Variants in SOBP observed in about 807,000 individuals in gnomAD.
SOBP encodes sine oculis binding protein homolog, also known as sine oculis-binding protein homolog.
SOBP carries 4 observed loss-of-function variants against 53.6 expected under a neutral mutation model. The observed-to-expected ratio is 0.07, with a 90% CI of 0.04 to 0.17. The LOEUF is 0.17. Ranked by LOEUF, SOBP falls within the 10% of genes least tolerant of loss-of-function variation. The pLI is 1.00. For missense variants in SOBP, 1,088 were observed against 1,204.7 expected (o/e 0.90, Z 1.43); for synonymous variants, 584 against 522.6 (o/e 1.12, Z -1.60).
chr6:107,647,760 C>T (rs903485648), intron 6 of SOBP, among the ~76,000 whole-genome samples: 6 of 151,236 alleles, frequency 4.0e-5, no homozygotes, highest in African/African-American at 1.5e-4. Flanking sequence ...GGGATCTGAC[C>T]GCAGCTGCTT....
Position 107,659,172 on chromosome 6 carries a change from C to T in SOBP, c.*969C>T, listed in dbSNP as rs1263288588. On this transcript the variant is annotated 3_prime_UTR_variant, in exon 7 of 7. Transcript: ENST00000317357. The stretch of plus-strand genomic sequence containing the variant: ...TCGGTGATCCAGGAAGTCAGTGAGA[C>T]AATCTCTCTATATGCAGAGCCCTTT... The T allele has an allele frequency of 6.6e-6, 1 of 152,626 alleles. No homozygotes were observed. Among genetic ancestry groups the T allele is most frequent in the Non-Finnish European group, 1.5e-5 (1 of 68,048 alleles). The allele number at this position is 152,626 out of a possible 1,614,324, so 9.5% of individuals were successfully genotyped here. A position where few individuals can be genotyped will look rare whatever the true frequency, so the allele number is the denominator to read the frequency against.
At chr6:107,534,034 G>C (rs753379082) in intron 4 of SOBP, among the ~76,000 whole-genome samples, 1 of 152,190 alleles carries the variant, frequency 6.6e-6, no homozygotes, top group Non-Finnish European at 1.5e-5. Flanking sequence ...TGGAAATACT[G>C]CTATTGCTCT....
intron 6 of SOBP, among the ~76,000 whole-genome samples, chr6:107,651,870 G>A (rs1771815658): frequency 6.6e-6 from 1 of 152,172 alleles, no homozygotes; most frequent in African/African-American, 2.4e-5. Flanking sequence ...AGCTCTGTCA[G>A]TGGAACAACG....
At chr6:107,624,031 T>G (rs944680901) in intron 5 of SOBP, among the ~76,000 whole-genome samples, 1 of 152,192 alleles carries the variant, frequency 6.6e-6, no homozygotes, top group African/African-American at 2.4e-5. Context: ...AGGCTCAAGC[T>G]TGGAATATAA....
chr6:107,646,313 G>T (rs1380307296), intron 6 of SOBP, among the ~76,000 whole-genome samples: 1 of 152,244 alleles, frequency 6.6e-6, no homozygotes. Flanking sequence ...ATGCACGGTG[G>T]AAGGAAATCT....
At position 107,634,349 on chromosome 6, in the gene SOBP, C is replaced by G. The variant is rs973364780; in HGVS notation, c.1505C>G (p.Pro502Arg). 1.3e-6 allele frequency: 2 copies of G among 1,590,578 alleles called. No homozygotes were observed. Among genetic ancestry groups the G allele is most frequent in the Non-Finnish European group, 1.7e-6 (2 of 1,175,346 alleles). Residue 502 changes from proline (P) to arginine (R), a missense_variant, in exon 6 of 7, where the codon CCG becomes CGG. By Grantham distance (103) the Pro-to-Arg change is moderately radical. Coordinates refer to ENST00000317357, the MANE Select transcript of SOBP (RefSeq NM_018013.4). The surrounding 1 kb of genome is among the most constrained non-coding windows in gnomAD (Gnocchi z 4.5). Reference protein sequence around the residue: ...PVSMMPNGPMPVPQMMNFGLP... With the variant: ...PVSMMPNGPMRVPQMMNFGLP... ...AGCATGATGCCAAATGGCCCGATGC[C>G]GGTGCCCCAGATGATGAATTTCGGG...
chr6:107,611,549 CT>C (rs1251123285), intron 5 of SOBP, among the ~76,000 whole-genome samples: 1 of 152,194 alleles, frequency 6.6e-6, no homozygotes, highest in Admixed American at 6.5e-5. Flanking sequence ...TGAGTAGAAG[CT>C]ATCACTTTCC....
At chr6:107,649,157 C>G (rs1220578267) in intron 6 of SOBP, among the ~76,000 whole-genome samples, 1 of 124,166 alleles carries the variant, frequency 8.1e-6, no homozygotes, top group Non-Finnish European at 1.7e-5. Flanking sequence ...GCCCCGCCCC[C>G]ACTACCAAAA....
chr6:107,657,171 G>A (rs1331585321), intron 6 of SOBP, among the ~76,000 whole-genome samples: 4 of 152,228 alleles, frequency 2.6e-5, no homozygotes, highest in Non-Finnish European at 5.9e-5. Flanking sequence ...CTAAGTGGCT[G>A]CTCCCAGAAC....
At chr6:107,651,060 G>A (rs1160051239) in intron 6 of SOBP, among the ~76,000 whole-genome samples, 3 of 152,144 alleles carry the variant, frequency 2.0e-5, no homozygotes, top group Non-Finnish European at 4.4e-5. Context: ...GAGCCCAGGA[G>A]TTCAAGATTA....
In SOBP at chr6:107,583,428, T is replaced by C. The variant is rs111351681; in HGVS notation, c.574-3652T>C. 1.2e-4 allele frequency among the ~76,000 whole-genome samples: 18 copies of C among 152,328 alleles called. 1 individual carries two copies. Among genetic ancestry groups the C allele is most frequent in the African/African-American group, 3.8e-4 (16 of 41,580 alleles). Reference sequence around the variant, plus strand: ...AGGCCTTTTTAAGGAAGTGGTATGGTAGTTCTTCCAAGATTATTGGTCATA... The same window carrying C: ...AGGCCTTTTTAAGGAAGTGGTATGGCAGTTCTTCCAAGATTATTGGTCATA... On this transcript the variant is annotated intron_variant, in intron 4 of 6. Coordinates refer to ENST00000317357, the MANE Select transcript of SOBP (RefSeq NM_018013.4).
intron 3 of SOBP, among the ~76,000 whole-genome samples, chr6:107,530,416 AG>A (rs1188602596): frequency 6.6e-6 from 1 of 152,092 alleles, no homozygotes; most frequent in Non-Finnish European, 1.5e-5. Context: ...TCACTTTTCT[AG>A]GGGTGCAGTC....
intron 4 of SOBP, among the ~76,000 whole-genome samples, chr6:107,576,507 T>C (rs1785228968): frequency 6.6e-6 from 1 of 152,172 alleles, no homozygotes; most frequent in South Asian, 2.1e-4. Flanking sequence ...CTGTCCAGAA[T>C]AAAGACCTGA....
chr6:107,549,237 A>G (rs1784394317), intron 4 of SOBP, among the ~76,000 whole-genome samples: 1 of 152,122 alleles, frequency 6.6e-6, no homozygotes, highest in Admixed American at 6.6e-5. Flanking sequence ...ACAGCACTCC[A>G]ATCTGGGCAA....
chr6:107,528,393 T>C (rs1430301561), intron 3 of SOBP, among the ~76,000 whole-genome samples: 1 of 152,212 alleles, frequency 6.6e-6, no homozygotes, highest in East Asian at 1.9e-4. Flanking sequence ...CTGTGAGCCC[T>C]GCTCCTTAGA....
At chr6:107,558,939 G>A (rs1032571625) in intron 4 of SOBP, among the ~76,000 whole-genome samples, 1 of 151,586 alleles carries the variant, frequency 6.6e-6, no homozygotes, top group African/African-American at 2.4e-5. Flanking sequence ...ATTTTTTGTA[G>A]ATGTTAATTT....
chr6:107,609,119 C>T (rs886711582), intron 5 of SOBP, among the ~76,000 whole-genome samples: 11 of 152,200 alleles, frequency 7.2e-5, no homozygotes, highest in African/African-American at 2.7e-4. Context: ...TTTGATCACA[C>T]ACCTCATCAG....
chr6:107,568,275 TG>T (rs1784973948), intron 4 of SOBP, among the ~76,000 whole-genome samples: 1 of 152,122 alleles, frequency 6.6e-6, no homozygotes, highest in East Asian at 1.9e-4. Flanking sequence ...TGCTCAACAG[TG>T]GGAAACACGG....
intron 4 of SOBP, among the ~76,000 whole-genome samples, chr6:107,583,438 A>C (rs1465102637): frequency 6.6e-6 from 1 of 152,240 alleles, no homozygotes; most frequent in Non-Finnish European, 1.5e-5. Context: ...TAGTTCTTCC[A>C]AGATTATTGG....
Sources: allele counts gnomAD v4.1 joint callset (sites outside exome capture counted in the v4.1 genomes callset), GRCh38; gene constraint gnomAD v4.1.1; non-coding constraint Gnocchi (gnomAD v3.1); transcripts MANE v1.5; gene names NCBI Gene and HGNC (gene_info 2026-07-23, HGNC 2026-07-21).